The following AFG2A variants were observed in gnomAD, a reference collection of about 807,000 sequenced individuals.
The protein encoded by AFG2A is AAA ATPase AFG2A.
chr4:123,027,429 A>C, the AFG2A span, among the ~76,000 whole-genome samples: 1 of 151,980 alleles, frequency 6.6e-6, no homozygotes, highest in African/African-American at 2.4e-5. Context: ...TGCATTTCCA[A>C]ATCTCATCTA....
the AFG2A span, among the ~76,000 whole-genome samples, chr4:123,047,010 A>T: frequency 6.6e-6 from 1 of 152,172 alleles, no homozygotes; most frequent in Non-Finnish European, 1.5e-5. Context: ...ATGAACACTT[A>T]GGTTGACTCC....
the AFG2A span, among the ~76,000 whole-genome samples, chr4:123,143,619 T>C: frequency 3.9e-5 from 6 of 151,904 alleles, no homozygotes; most frequent in African/African-American, 1.4e-4. Context: ...TAAGTGTTAC[T>C]AAGAGGAAAT....
At chr4:122,928,034 A>G in the AFG2A span, among the ~76,000 whole-genome samples, 2 of 152,356 alleles carry the variant, frequency 1.3e-5, no homozygotes, top group East Asian at 3.9e-4. Context: ...CACAAGCAGG[A>G]ATAAATGAAA....
At chr4:123,032,208 A>G in the AFG2A span, among the ~76,000 whole-genome samples, 1 of 152,178 alleles carries the variant, frequency 6.6e-6, no homozygotes, top group Non-Finnish European at 1.5e-5. Context: ...TCTTCTCTAT[A>G]CTTGTCTCAG....
chr4:123,195,863 C>G, the AFG2A span, among the ~76,000 whole-genome samples: 1 of 152,164 alleles, frequency 6.6e-6, no homozygotes, highest in East Asian at 1.9e-4. Context: ...ATTTCACCAT[C>G]CCCAGCTTCC....
chr4:123,087,640 C>T, the AFG2A span, among the ~76,000 whole-genome samples: 2 of 152,214 alleles, frequency 1.3e-5, no homozygotes, highest in African/African-American at 4.8e-5. Context: ...CTATGACTCT[C>T]AGACTTGTCA....
the AFG2A span, among the ~76,000 whole-genome samples, chr4:123,001,786 T>G: frequency 1.3e-5 from 2 of 152,144 alleles, no homozygotes; most frequent in Admixed American, 6.5e-5. Context: ...TTCTGTTGAT[T>G]TGGGGTGGAG....
chr4:123,285,946 T>G, the AFG2A span, among the ~76,000 whole-genome samples: 1 of 152,182 alleles, frequency 6.6e-6, no homozygotes, highest in South Asian at 2.1e-4. Context: ...GTGCTAATAG[T>G]GCTATTATCA....
chr4:122,925,543 C>G, the AFG2A span, among the ~76,000 whole-genome samples: 1 of 152,148 alleles, frequency 6.6e-6, no homozygotes, highest in African/African-American at 2.4e-5. Context: ...CGCCATACCC[C>G]CTTCTGCCCA....
the AFG2A span, among the ~76,000 whole-genome samples, chr4:123,034,142 T>A: frequency 4.6e-5 from 7 of 151,796 alleles, no homozygotes; most frequent in African/African-American, 1.7e-4. Context: ...CAAACACAGA[T>A]TGAAAATATA....
chr4:123,038,753 G>A, the AFG2A span, among the ~76,000 whole-genome samples: 1,767 of 152,064 alleles, frequency 0.012, 13 homozygotes, highest in Middle Eastern at 0.078. Flanking sequence ...ATTCCAATGC[G>A]TATTTTCTTC....
chr4:123,297,018 T>C, the AFG2A span, among the ~76,000 whole-genome samples: 2 of 152,338 alleles, frequency 1.3e-5, no homozygotes, highest in Admixed American at 1.3e-4. Context: ...ACAATTTTAA[T>C]TGACTGTAGG....
At chr4:123,155,339 C>G in the AFG2A span, among the ~76,000 whole-genome samples, 1 of 152,092 alleles carries the variant, frequency 6.6e-6, no homozygotes, top group African/African-American at 2.4e-5. Flanking sequence ...CCACCTTGAC[C>G]AGTGCTAGGG....
the AFG2A span, among the ~76,000 whole-genome samples, chr4:123,158,658 A>G: frequency 6.6e-6 from 1 of 152,170 alleles, no homozygotes; most frequent in Non-Finnish European, 1.5e-5. Context: ...TATTGCATCT[A>G]GTCTATGGAA....
chr4:122,982,899 G>A, the AFG2A span, among the ~76,000 whole-genome samples: 25 of 109,696 alleles, frequency 2.3e-4, no homozygotes, highest in Admixed American at 3.3e-3. Context: ...ACGGAGTCTC[G>A]CTCTGTTACC....
the AFG2A span, among the ~76,000 whole-genome samples, chr4:123,186,293 C>T: frequency 5.9e-5 from 9 of 152,206 alleles, no homozygotes; most frequent in African/African-American, 2.2e-4. Context: ...ATTGATTCAT[C>T]TAATATGAAT....
chr4:123,173,340 G>GTTTTTTTTTTTTT, the AFG2A span, among the ~76,000 whole-genome samples: 21 of 70,304 alleles, frequency 3.0e-4, 1 homozygote, highest in African/African-American at 4.2e-4. Flanking sequence ...AAGTCCAATG[G>GTTTTTTTTTTTTT]TTTTTTTTTT....
At chr4:123,313,917 T>G in the AFG2A span, 1 of 1,607,128 alleles carries the variant, frequency 6.2e-7, no homozygotes, top group Non-Finnish European at 8.5e-7. Flanking sequence ...AGGCAGCTCT[T>G]CTGGCTCTGG....
the AFG2A span, among the ~76,000 whole-genome samples, chr4:123,234,212 A>G: frequency 3.3e-5 from 5 of 152,136 alleles, no homozygotes; most frequent in African/African-American, 1.2e-4. Context: ...GGATAGCAGT[A>G]TGGAATAATG....
Sources: gnomAD v4.1 joint callset for allele counts (sites outside exome capture counted in the v4.1 genomes callset) on GRCh38, gnomAD v4.1.1 for gene constraint, MANE v1.5 for transcripts, NCBI Gene and HGNC (gene_info 2026-07-23, HGNC 2026-07-21) for gene names.